SLCO3A1: variants seen among roughly 807,000 people sequenced by gnomAD.
SLCO3A1 encodes solute carrier organic anion transporter family member 3A1.
In SLCO3A1, 27 loss-of-function variants were observed where a neutral mutation model predicts 63.1. The observed-to-expected ratio is 0.43, with a 90% CI of 0.32 to 0.59. The LOEUF is 0.59. Ranked by LOEUF, SLCO3A1 falls within the 20% of genes least tolerant of loss-of-function variation. The pLI is 0.09. For missense variants in SLCO3A1, 773 were observed against 945.8 expected, an observed-to-expected ratio of 0.82 and a Z score of 2.40; for synonymous variants, 473 against 409.9, an observed-to-expected ratio of 1.15 and a Z score of -1.86.
intron 2 of SLCO3A1, among the ~76,000 whole-genome samples, chr15:92,048,560 GC>G (rs1223682710): frequency 6.6e-6 from 1 of 152,130 alleles, no homozygotes; most frequent in Non-Finnish European, 1.5e-5. Flanking sequence ...TCTAGTAGCA[GC>G]CCCCTACCAT....
In SLCO3A1 at chr15:91,853,906, A is replaced by T; in HGVS notation, c.-3A>T. 1.5e-6 allele frequency: 2 copies of T among 1,372,420 alleles called. No homozygotes were observed. The highest frequency in any genetic ancestry group is 1.9e-6 in the Non-Finnish European group (2 of 1,052,578). The allele number at this position is 1,372,420 out of a possible 1,614,324, so 85.0% of individuals were successfully genotyped here. A position where few individuals can be genotyped will look rare whatever the true frequency, so the allele number is the denominator to read the frequency against. ...CGGCGGCGGCGGCGGCGGCGGGGGA[A>T]GGATGCAGGGGAAGAAGCCGGGCGG... On this transcript the variant is annotated 5_prime_UTR_variant, in exon 1 of 10. In the 5' UTR this introduces an upstream ATG that the reference lacks. Coordinates refer to ENST00000318445, the MANE Select transcript of SLCO3A1 (RefSeq NM_013272.4).
At chr15:91,868,515 C>T (rs548342582) in intron 1 of SLCO3A1, among the ~76,000 whole-genome samples, 1 of 152,218 alleles carries the variant, frequency 6.6e-6, no homozygotes, top group South Asian at 2.1e-4. Context: ...AACATTTTGG[C>T]GTGAGTCCTT....
chr15:91,953,518 A>G (rs1472961198), intron 2 of SLCO3A1, among the ~76,000 whole-genome samples: 1 of 152,170 alleles, frequency 6.6e-6, no homozygotes, highest in East Asian at 1.9e-4. Context: ...GGTGTTTGTC[A>G]GGCAGACCGG....
At chr15:92,073,889 T>A (rs777371291) in intron 2 of SLCO3A1, among the ~76,000 whole-genome samples, 4 of 152,184 alleles carry the variant, frequency 2.6e-5, no homozygotes, top group Non-Finnish European at 5.9e-5. Flanking sequence ...ATGCTCGAGG[T>A]CAGGCACCGT....
In SLCO3A1 at chr15:91,941,698, C is replaced by T; in HGVS notation, c.646+25240C>T. The T allele has an allele frequency of 2.7e-6, 1 of 374,166 alleles. No homozygotes were observed. Among genetic ancestry groups the T allele is most frequent in the South Asian group, 2.0e-5 (1 of 50,340 alleles). The allele number at this position is 374,166 out of a possible 1,614,324, so 23.2% of individuals were successfully genotyped here. A position where few individuals can be genotyped will look rare whatever the true frequency, so the allele number is the denominator to read the frequency against. ...TTTGTCTTTAAAAAAATTATTTTTC[C>T]TCCTTTTTAATTTTTATGTTTAAAA... On this transcript the variant is annotated intron_variant, in intron 2 of 9. Transcript: ENST00000318445. The surrounding 1 kb of genome is among the most constrained non-coding windows in gnomAD (Gnocchi z 4.4).
intron 2 of SLCO3A1, among the ~76,000 whole-genome samples, chr15:91,963,418 G>T (rs1368154177): frequency 2.3e-5 from 3 of 130,582 alleles, no homozygotes; most frequent in East Asian, 2.6e-4. Flanking sequence ...TGGGGGGGGG[G>T]GGCGGCAGCA....
rs79823636 is a variant in SLCO3A1 at position 92,033,205 on chromosome 15, T to C, written c.647-61676T>C. On this transcript the variant is annotated intron_variant, in intron 2 of 9. Transcript: ENST00000318445. The surrounding 1 kb of genome is among the most constrained non-coding windows in gnomAD (Gnocchi z 4.5). ...TTCTGGGATGAGGAAACTGAGGCCA[T>C]GCCTACGTAAATGTATTGATTAGAA... is the stretch of plus-strand genomic sequence containing the variant. Among the ~76,000 whole-genome samples, 114 of 152,352 alleles carry C rather than the reference T, an allele frequency of 7.5e-4. 3 individuals are homozygous for C. In the East Asian group the frequency reaches 0.021, roughly 28 times the overall value.
At chr15:91,909,921 GAA>G (rs1898431329) in intron 1 of SLCO3A1, among the ~76,000 whole-genome samples, 1 of 152,182 alleles carries the variant, frequency 6.6e-6, no homozygotes, top group African/African-American at 2.4e-5. Flanking sequence ...CAGCACTGTG[GAA>G]ACAGCTGCCC....
intron 2 of SLCO3A1, among the ~76,000 whole-genome samples, chr15:92,001,125 G>GA (rs1026568328): frequency 1.4e-4 from 18 of 131,014 alleles, no homozygotes; most frequent in African/African-American, 4.3e-4. Flanking sequence ...AATCAAAAAA[G>GA]AAAAAAAGAA....
At chr15:92,101,879 C>G (rs568779714) in intron 3 of SLCO3A1, among the ~76,000 whole-genome samples, 15 of 152,234 alleles carry the variant, frequency 9.9e-5, no homozygotes, top group African/African-American at 3.6e-4. Flanking sequence ...AAACTGTGAG[C>G]CAGCGTCAGC....
chr15:91,864,081 T>C (rs1409891409), intron 1 of SLCO3A1, among the ~76,000 whole-genome samples: 1 of 152,184 alleles, frequency 6.6e-6, no homozygotes, highest in African/African-American at 2.4e-5. Flanking sequence ...AGGCTCAGAG[T>C]GGCACGTGGA....
Position 91,882,521 on chromosome 15 carries a change from T to C in SLCO3A1, c.180+28433T>C, listed in dbSNP as rs748025324. On this transcript the variant is annotated intron_variant, in intron 1 of 9. Transcript: ENST00000318445. The surrounding 1 kb of genome is among the most constrained non-coding windows in gnomAD (Gnocchi z 4.4). Reference sequence around the variant, plus strand: ...CCCCACCCCCACTATGTATGACTTCTTTTTTTTCCTTGAGATGGAGTTTCA... The same window carrying C: ...CCCCACCCCCACTATGTATGACTTCCTTTTTTTCCTTGAGATGGAGTTTCA... Among the ~76,000 whole-genome samples, 1 of 148,578 alleles carries C rather than the reference T, an allele frequency of 6.7e-6. No homozygotes were observed. The highest frequency in any genetic ancestry group is 1.5e-5 in the Non-Finnish European group (1 of 67,058).
chr15:92,114,675 A>T (rs1253360571), intron 4 of SLCO3A1, among the ~76,000 whole-genome samples: 1 of 151,738 alleles, frequency 6.6e-6, no homozygotes, highest in Non-Finnish European at 1.5e-5. Flanking sequence ...CATTTATCTC[A>T]TCTAAGACCT....
chr15:92,013,526 C>T (rs1597219902), intron 2 of SLCO3A1, among the ~76,000 whole-genome samples: 1 of 152,302 alleles, frequency 6.6e-6, no homozygotes, highest in East Asian at 1.9e-4. Context: ...GAGCACAGCA[C>T]AGGGAGCCTT....
chr15:91,935,800 T>C (rs947822881), intron 2 of SLCO3A1, among the ~76,000 whole-genome samples: 1 of 152,184 alleles, frequency 6.6e-6, no homozygotes, highest in Non-Finnish European at 1.5e-5. Flanking sequence ...CACTTCTCAC[T>C]GGGCCTCTTC....
intron 2 of SLCO3A1, among the ~76,000 whole-genome samples, chr15:91,924,440 C>T (rs1898946862): frequency 6.6e-6 from 1 of 152,132 alleles, no homozygotes; most frequent in Admixed American, 6.5e-5. Context: ...CGGTAGCTTG[C>T]CATGGTGGCA....
chr15:92,087,517 T>TTA (rs1491148700), intron 2 of SLCO3A1, among the ~76,000 whole-genome samples: 5 of 53,438 alleles, frequency 9.4e-5, no homozygotes, highest in African/African-American at 3.9e-4. Flanking sequence ...TTATCTATTA[T>TTA]TTTTTTTTTT....
chr15:91,944,995 A>G lies in SLCO3A1; in HGVS notation c.646+28537A>G, dbSNP rs376993506. 8.3e-4 allele frequency among the ~76,000 whole-genome samples: 126 copies of G among 152,324 alleles called. 2 individuals are homozygous for G. In the South Asian group the frequency reaches 0.024, roughly 29 times the overall value. On this transcript the variant is annotated intron_variant, in intron 2 of 9. Coordinates refer to ENST00000318445, the MANE Select transcript of SLCO3A1 (RefSeq NM_013272.4). Reference sequence around the variant, plus strand: ...GGCCCTAATTGAATTGTCTTTGAACAGTTTTTGTTCTGAGCTATGAACTGT... The same window carrying G: ...GGCCCTAATTGAATTGTCTTTGAACGGTTTTTGTTCTGAGCTATGAACTGT...
intron 2 of SLCO3A1, among the ~76,000 whole-genome samples, chr15:92,070,339 A>T (rs1224751851): frequency 5.3e-5 from 8 of 152,224 alleles, no homozygotes; most frequent in Admixed American, 3.3e-4. Context: ...TTTCAAAAAC[A>T]TGTCTTGAAA....
Sources: gnomAD v4.1 joint callset for allele counts (sites outside exome capture counted in the v4.1 genomes callset) on GRCh38, gnomAD v4.1.1 for gene constraint, Gnocchi (gnomAD v3.1) non-coding constraint, MANE v1.5 for transcripts, NCBI Gene and HGNC (gene_info 2026-07-23, HGNC 2026-07-21) for gene names.